Variants in SCML4 observed in about 807,000 individuals in gnomAD.
SCML4 encodes the protein Scm polycomb group protein like 4.
SCML4 carries 34 observed loss-of-function variants against 41.1 expected under a neutral mutation model. The ratio of observed to expected loss-of-function variants is 0.83; its 90% confidence interval spans 0.63 to 1.10. The LOEUF (loss-of-function observed/expected upper bound fraction) is 1.10, where lower values mean the gene tolerates loss of function less well. Ranked by LOEUF, SCML4 falls within the 50% of genes least tolerant of loss-of-function variation. The probability of loss-of-function intolerance (pLI) is 0.00; values close to 1 mark genes in which losing one functional copy is unlikely to be tolerated. For missense variants in SCML4, 522 were observed against 534.1 expected (o/e 0.98, Z 0.22); for synonymous variants, 214 against 220.9 (o/e 0.97, Z 0.28).
At chr6:107,731,356 CACA>C (rs1034300142) in intron 5 of SCML4, among the ~76,000 whole-genome samples, 2 of 152,320 alleles carry the variant, frequency 1.3e-5, no homozygotes, top group East Asian at 3.9e-4. Flanking sequence ...AGTCCTGAAA[CACA>C]ACAATTCCAC....
intron 2 of SCML4, among the ~76,000 whole-genome samples, chr6:107,766,364 C>A (rs1290110643): frequency 7.2e-6 from 1 of 139,010 alleles, no homozygotes; most frequent in African/African-American, 2.9e-5. Flanking sequence ...TGTGAGACTC[C>A]GTCTCAAAAA....
intron 1 of SCML4, among the ~76,000 whole-genome samples, chr6:107,798,829 T>C (rs894853171): frequency 1.3e-5 from 2 of 152,112 alleles, no homozygotes; most frequent in Admixed American, 1.3e-4. Flanking sequence ...TATTTTCTAA[T>C]TTTCCTGGTG....
chr6:107,819,826 A>G (rs1784816864), intron 1 of SCML4, among the ~76,000 whole-genome samples: 1 of 152,220 alleles, frequency 6.6e-6, no homozygotes, highest in East Asian at 1.9e-4. Flanking sequence ...ACCCCGGGAA[A>G]TATGCAATGT....
intron 5 of SCML4, among the ~76,000 whole-genome samples, chr6:107,726,362 T>C (rs1775970371): frequency 6.6e-6 from 1 of 151,124 alleles, no homozygotes; most frequent in African/African-American, 2.4e-5. Context: ...TGAAACCCCA[T>C]CTCTACTAAA....
intron 2 of SCML4, among the ~76,000 whole-genome samples, chr6:107,771,293 A>G (rs1464898091): frequency 6.6e-6 from 1 of 152,212 alleles, no homozygotes; most frequent in African/African-American, 2.4e-5. Context: ...TTAATTGCCA[A>G]TTTGCATTCT....
intron 1 of SCML4, among the ~76,000 whole-genome samples, chr6:107,822,495 CT>C (rs1243814125): frequency 5.1e-5 from 4 of 77,804 alleles, no homozygotes; most frequent in South Asian, 5.1e-4. Context: ...TTACTCTTTT[CT>C]TTTTTTCTTT....
intron 1 of SCML4, among the ~76,000 whole-genome samples, chr6:107,813,553 C>T (rs1173363136): frequency 6.6e-6 from 1 of 151,464 alleles, no homozygotes; most frequent in Non-Finnish European, 1.5e-5. Context: ...AACAAAACTT[C>T]TCTCTCTCAT....
chr6:107,835,763 CA>C, the SCML4 span, among the ~76,000 whole-genome samples: 181 of 86,336 alleles, frequency 2.1e-3, 1 homozygote, highest in African/African-American at 2.9e-3. Flanking sequence ...GACCCCATCT[CA>C]AAAAAAAAAA....
At chr6:107,794,691 C>T (rs1782586435) in intron 1 of SCML4, among the ~76,000 whole-genome samples, 1 of 152,162 alleles carries the variant, frequency 6.6e-6, no homozygotes, top group Non-Finnish European at 1.5e-5. Flanking sequence ...GATAACCTAG[C>T]TGAGTAGCAT....
chr6:107,707,799 G>A, intron 7 of SCML4, 67 bp downstream of exon 7: 1 of 1,543,028 alleles, frequency 6.5e-7, no homozygotes, highest in Non-Finnish European at 8.8e-7. Context: ...GCAGCTCCCT[G>A]GACCTCACTC....
intron 7 of SCML4, among the ~76,000 whole-genome samples, chr6:107,706,887 G>A (rs1325899613): frequency 1.3e-5 from 2 of 152,118 alleles, no homozygotes; most frequent in Non-Finnish European, 1.5e-5. Flanking sequence ...AGACAACCAA[G>A]CGGATTCTCC....
chr6:107,758,834 C>T (rs938425143), intron 2 of SCML4, among the ~76,000 whole-genome samples: 9 of 152,260 alleles, frequency 5.9e-5, no homozygotes, highest in African/African-American at 2.2e-4. Flanking sequence ...ATGTTTTAGC[C>T]ACCCAGTTGG....
chr6:107,707,797 C>T, intron 7 of SCML4, 69 bp downstream of exon 7: 1 of 1,544,270 alleles, frequency 6.5e-7, no homozygotes, highest in Non-Finnish European at 8.8e-7. Flanking sequence ...CCGCAGCTCC[C>T]TGGACCTCAC....
At chr6:107,840,041 T>A in the SCML4 span, among the ~76,000 whole-genome samples, 3 of 152,250 alleles carry the variant, frequency 2.0e-5, no homozygotes, top group African/African-American at 7.2e-5. Context: ...TTATTATATA[T>A]GCTTTATGAA....
chr6:107,794,740 C>T (rs1399676897), intron 1 of SCML4, among the ~76,000 whole-genome samples: 1 of 152,162 alleles, frequency 6.6e-6, no homozygotes, highest in Non-Finnish European at 1.5e-5. Flanking sequence ...TGACCACAAA[C>T]TTGGTGGCTT....
chr6:107,785,327 C>A (rs1441062632), intron 1 of SCML4, among the ~76,000 whole-genome samples: 4 of 152,162 alleles, frequency 2.6e-5, no homozygotes, highest in Non-Finnish European at 5.9e-5. Flanking sequence ...CCTGCAGGAA[C>A]AAGGTGACTG....
chr6:107,731,852 C>T (rs529890769), intron 5 of SCML4: 1 of 152,476 alleles, frequency 6.6e-6, no homozygotes, highest in East Asian at 1.9e-4. Context: ...CTAGATAGTA[C>T]AGGAAAAGGA....
intron 5 of SCML4, among the ~76,000 whole-genome samples, chr6:107,732,675 G>T (rs533690626): frequency 2.6e-5 from 4 of 152,160 alleles, no homozygotes; most frequent in African/African-American, 9.6e-5. Flanking sequence ...AGGAGAGCAG[G>T]TTCCATACCA....
intron 6 of SCML4, among the ~76,000 whole-genome samples, chr6:107,709,422 C>T (rs372884150): frequency 1.3e-5 from 2 of 152,140 alleles, no homozygotes; most frequent in Non-Finnish European, 2.9e-5. Flanking sequence ...TGCCCTGCCC[C>T]GAGGCTGACC....
Sources: gnomAD v4.1 joint callset for allele counts (sites outside exome capture counted in the v4.1 genomes callset) on GRCh38, gnomAD v4.1.1 for gene constraint, MANE v1.5 for transcripts, NCBI Gene and HGNC (gene_info 2026-07-23, HGNC 2026-07-21) for gene names.